DNAH7: variants seen among roughly 807,000 people sequenced by gnomAD.
DNAH7 encodes dynein axonemal heavy chain 7.
DNAH7 carries 397 observed loss-of-function variants against 444.6 expected under a neutral mutation model. That is an observed-to-expected ratio of 0.89 (90% CI 0.82 to 0.97). The LOEUF (loss-of-function observed/expected upper bound fraction) is 0.97, where lower values mean the gene tolerates loss of function less well. Among genes scored for constraint, DNAH7 ranks in the 50% least tolerant of loss-of-function variants. The pLI is 0.00. For missense variants in DNAH7, 4,902 were observed against 4,800.8 expected (o/e 1.02, Z -0.62); for synonymous variants, 1,636 against 1,624.4 (o/e 1.01, Z -0.17).
At chr2:196,056,941 G>A (rs1342338450) in intron 2 of DNAH7, among the ~76,000 whole-genome samples, 3 of 152,186 alleles carry the variant, frequency 2.0e-5, no homozygotes, top group African/African-American at 7.2e-5. Context: ...GGAGGGATAT[G>A]AATGAGGTGT....
chr2:195,895,390 T>C (rs1223025040), intron 29 of DNAH7, among the ~76,000 whole-genome samples, 166 bp from the exon 30 acceptor site: 1 of 152,220 alleles, frequency 6.6e-6, no homozygotes, highest in Admixed American at 6.5e-5. Context: ...TTTTCTTTTT[T>C]TCAATTTTTA....
At chr2:196,049,060 C>T (rs1697306666) in intron 3 of DNAH7, among the ~76,000 whole-genome samples, 1 of 152,106 alleles carries the variant, frequency 6.6e-6, no homozygotes, top group African/African-American at 2.4e-5. Context: ...TTGCTGAAGC[C>T]TATGGTTCTT....
intron 18 of DNAH7, 131 bp from the exon 19 acceptor site, chr2:195,957,578 T>A (rs1201710249): frequency 2.2e-6 from 1 of 447,916 alleles, no homozygotes; most frequent in East Asian, 3.5e-5. Flanking sequence ...TTATATACAA[T>A]CTTGTATATA....
chr2:195,855,490 AGACT>A (rs1699637348), intron 45 of DNAH7, among the ~76,000 whole-genome samples: 3 of 151,856 alleles, frequency 2.0e-5, no homozygotes, highest in African/African-American at 7.2e-5. Flanking sequence ...TAAGGCAGAC[AGACT>A]GACATTTTTT....
intron 24 of DNAH7, among the ~76,000 whole-genome samples, chr2:195,916,317 A>G (rs1322408313): frequency 4.6e-5 from 7 of 152,180 alleles, no homozygotes; most frequent in African/African-American, 1.7e-4. Flanking sequence ...ATTATCTGTG[A>G]AAGTCACTAT....
Position 196,000,783 on chromosome 2 carries a change from A to G in DNAH7, c.1274T>C (p.Ile425Thr), listed in dbSNP as rs201322560. ...FEPELSDYID[I>T]FLNVYDVMIK... ...CATGACGTCATAAACATTTAGAAAG[A>G]TATCTATATAGTCACTCAACTCAGG... The change falls in exon 12 of 65, where the codon ATC becomes ACC. Residue 425 changes from isoleucine to threonine, a missense_variant. Physicochemically the swap from Ile to Thr is moderately conservative, Grantham distance 89. Transcript: ENST00000312428. 1.7e-3 allele frequency: 2,721 copies of G among 1,605,446 alleles called. 26 individuals carry two copies. The highest frequency in any genetic ancestry group is 9.7e-4 in the Non-Finnish European group (1,142 of 1,175,316).
At chr2:195,871,002 C>G (rs1700654000) in intron 40 of DNAH7, among the ~76,000 whole-genome samples, 1 of 152,168 alleles carries the variant, frequency 6.6e-6, no homozygotes, top group Non-Finnish European at 1.5e-5. Flanking sequence ...AAGCCTGCAT[C>G]CGTATCCTGG....
intron 25 of DNAH7, among the ~76,000 whole-genome samples, chr2:195,908,691 T>A (rs1270367831): frequency 6.6e-6 from 1 of 152,170 alleles, no homozygotes; most frequent in Non-Finnish European, 1.5e-5. Flanking sequence ...GATGGACACT[T>A]AGGTTGATTC....
rs1268151229 is a variant in DNAH7, at chr2:195,936,609, C to A, written c.3262G>T (p.Asp1088Tyr). 15 of 1,585,072 alleles carry A rather than the reference C, an allele frequency of 9.5e-6. No homozygotes were observed. The highest frequency in any genetic ancestry group is 1.4e-5 in the African/African-American group (1 of 73,216). The change falls in exon 20 of 65, where the codon GAT becomes TAT. Residue 1088 changes from aspartate to tyrosine, a missense_variant. Coordinates refer to ENST00000312428, the MANE Select transcript of DNAH7 (RefSeq NM_018897.3). ...ATGTAAATTACTTACCTAGTGGGAT[C>A]TTTAGTCTCAGATAGTATCTCAAGA... ...ELLEILSETK[D>Y]PTRVQPHLKK...
At chr2:195,846,134 A>T (rs1401447507) in intron 46 of DNAH7, among the ~76,000 whole-genome samples, 1 of 152,244 alleles carries the variant, frequency 6.6e-6, no homozygotes, top group Non-Finnish European at 1.5e-5. Flanking sequence ...TATATCTAGA[A>T]TCCATAAGGA....
chr2:195,795,942 G>C (rs1335324694), intron 56 of DNAH7: 2 of 152,340 alleles, frequency 1.3e-5, no homozygotes, highest in Non-Finnish European at 2.9e-5. Context: ...GAGTGGGCTA[G>C]AGTCATGGGT....
intron 49 of DNAH7, among the ~76,000 whole-genome samples, chr2:195,818,810 C>T (rs1209326656): frequency 1.3e-5 from 2 of 152,058 alleles, no homozygotes; most frequent in African/African-American, 4.8e-5. Flanking sequence ...ATTTGAAATC[C>T]TCACTTTTTT....
At chr2:195,923,228 A>C (rs1004966955) in intron 23 of DNAH7, among the ~76,000 whole-genome samples, 1 of 152,196 alleles carries the variant, frequency 6.6e-6, no homozygotes, top group African/African-American at 2.4e-5. Context: ...CTTTAGATGC[A>C]TCAAGAACCT....
chr2:195,830,665 C>A (rs760297174), intron 48 of DNAH7, among the ~76,000 whole-genome samples: 8 of 152,174 alleles, frequency 5.3e-5, no homozygotes, highest in Non-Finnish European at 1.0e-4. Flanking sequence ...GGTATTTGAG[C>A]TGTATCTTAA....
At chr2:195,738,619 G>T (rs1692798151) in intron 64 of DNAH7, among the ~76,000 whole-genome samples, 1 of 152,022 alleles carries the variant, frequency 6.6e-6, no homozygotes, top group South Asian at 2.1e-4. Flanking sequence ...AAATATAATT[G>T]CATTCCTTTA....
chr2:195,912,030 T>C (rs1251624542), intron 24 of DNAH7, among the ~76,000 whole-genome samples: 1 of 152,212 alleles, frequency 6.6e-6, no homozygotes, highest in African/African-American at 2.4e-5. Flanking sequence ...GAACAATAAA[T>C]ACCATCTCAT....
At chr2:195,928,106 A>G (rs756882774) in intron 21 of DNAH7, among the ~76,000 whole-genome samples, 9 of 152,184 alleles carry the variant, frequency 5.9e-5, no homozygotes, top group Admixed American at 4.6e-4. Flanking sequence ...TACAGTGTCT[A>G]TTGTTGCCAT....
rs890657726 is a variant in DNAH7, at chr2:195,963,966, A to G, written c.2206-3021T>C. Among the ~76,000 whole-genome samples, 38 of 152,268 alleles carry G rather than the reference A, an allele frequency of 2.5e-4. 1 individual carries two copies. Among genetic ancestry groups the G allele is most frequent in the Admixed American group, 2.0e-4 (3 of 15,290 alleles). ...GCTCTCCATTCTGTTCCATTGGTCT[A>G]TGCGTCTGTTTTTCTGCCAGTACCA... On this transcript the variant is annotated intron_variant, in intron 17 of 64. Coordinates refer to ENST00000312428, the MANE Select transcript of DNAH7 (RefSeq NM_018897.3).
chr2:195,897,024 G>A (rs1702358463), intron 29 of DNAH7, among the ~76,000 whole-genome samples: 1 of 152,112 alleles, frequency 6.6e-6, no homozygotes, highest in African/African-American at 2.4e-5. Flanking sequence ...CTAACTGCCT[G>A]AATTCCAAAA....
Sources: gnomAD v4.1 joint callset for allele counts (sites outside exome capture counted in the v4.1 genomes callset) on GRCh38, gnomAD v4.1.1 for gene constraint, MANE v1.5 for transcripts, NCBI Gene and HGNC (gene_info 2026-07-23, HGNC 2026-07-21) for gene names.